JMJD1C: variants seen among roughly 807,000 people sequenced by gnomAD.
The protein encoded by JMJD1C is jumonji domain-containing protein 1C.
A neutral mutation model predicts 245.3 loss-of-function variants in JMJD1C; 31 were observed. That is an observed-to-expected ratio of 0.13 (90% CI 0.09 to 0.17). The LOEUF is 0.17. Ranked by LOEUF, JMJD1C falls within the 10% of genes least tolerant of loss-of-function variation. The pLI is 1.00. For missense variants in JMJD1C, 2,691 were observed against 3,000.2 expected (o/e 0.90, Z 2.41); for synonymous variants, 1,057 against 1,017.4 (o/e 1.04, Z -0.74).
chr10:63,382,691 C>G, intron 1 of JMJD1C: 1 of 437,926 alleles, frequency 2.3e-6, no homozygotes, highest in Admixed American at 2.5e-5. Flanking sequence ...ATAGGACATT[C>G]AATCATTCAA....
At chr10:63,385,416 CTTTTTTTTTTTTTTT>C (rs35450282) in intron 1 of JMJD1C, among the ~76,000 whole-genome samples, 1 of 53,760 alleles carries the variant, frequency 1.9e-5, no homozygotes, top group African/African-American at 7.5e-5. Flanking sequence ...CTGCCCCCGC[CTTTTTTTTTTTTTTT>C]TTTTTTTTTT....
chr10:63,489,164 C>A (rs1954089836), intron 1 of JMJD1C, among the ~76,000 whole-genome samples: 2 of 152,290 alleles, frequency 1.3e-5, no homozygotes, highest in African/African-American at 4.8e-5. Context: ...CTTTGGGAGG[C>A]TGAGGCAGGC....
chr10:63,197,605 T>C, intron 12 of JMJD1C, 42 bp from the exon 13 acceptor site: 5 of 1,468,058 alleles, frequency 3.4e-6, no homozygotes, highest in Non-Finnish European at 4.5e-6. Context: ...GCAAACATGC[T>C]CTTTTCCAAG....
intron 1 of JMJD1C, among the ~76,000 whole-genome samples, chr10:63,394,559 T>C (rs1286536655): frequency 6.6e-5 from 10 of 151,980 alleles, no homozygotes; most frequent in Admixed American, 6.6e-4. Flanking sequence ...AAACAAAAAA[T>C]GTGGGCTGGG....
At chr10:63,317,756 A>G (rs1381512569) in intron 2 of JMJD1C, among the ~76,000 whole-genome samples, 1 of 152,128 alleles carries the variant, frequency 6.6e-6, no homozygotes, top group African/African-American at 2.4e-5. Context: ...CTGAAATTCT[A>G]TTCAGTGTGC....
chr10:63,329,222 T>C (rs1163295125), intron 2 of JMJD1C, among the ~76,000 whole-genome samples: 3 of 150,150 alleles, frequency 2.0e-5, no homozygotes, highest in East Asian at 2.0e-4. Flanking sequence ...GTTGAAACTG[T>C]AGTAAGCCAT....
intron 1 of JMJD1C, among the ~76,000 whole-genome samples, chr10:63,504,521 A>G (rs1170423065): frequency 6.6e-6 from 1 of 152,224 alleles, no homozygotes; most frequent in Admixed American, 6.5e-5. Context: ...TTACAGAAAC[A>G]GAAGAAAGGC....
intron 10 of JMJD1C, chr10:63,204,708 C>T (rs764602339): frequency 2.6e-5 from 26 of 985,260 alleles, no homozygotes; most frequent in Admixed American, 6.2e-5. Context: ...ATGTTAATCC[C>T]CCTCTCTGTC....
intron 2 of JMJD1C, among the ~76,000 whole-genome samples, chr10:63,296,969 A>G (rs1859505792): frequency 6.6e-6 from 1 of 152,178 alleles, no homozygotes; most frequent in African/African-American, 2.4e-5. Context: ...CTGTTACTAT[A>G]TAATTATTCC....
intron 1 of JMJD1C, among the ~76,000 whole-genome samples, chr10:63,387,899 T>C (rs1290727298): frequency 6.6e-6 from 1 of 151,868 alleles, no homozygotes; most frequent in Non-Finnish European, 1.5e-5. Flanking sequence ...CCTCCCAAAG[T>C]GCTGGGATTA....
At chr10:63,414,208 G>T (rs879595220) in intron 1 of JMJD1C, among the ~76,000 whole-genome samples, 11 of 151,912 alleles carry the variant, frequency 7.2e-5, no homozygotes, top group African/African-American at 2.7e-4. Context: ...GGATGGTCTC[G>T]ATCTCCTGAC....
At chr10:63,356,535 T>C (rs1421491030) in intron 2 of JMJD1C, among the ~76,000 whole-genome samples, 2 of 152,200 alleles carry the variant, frequency 1.3e-5, no homozygotes, top group African/African-American at 4.8e-5. Context: ...TTACCAGATT[T>C]AGGAGATATT....
intron 1 of JMJD1C, among the ~76,000 whole-genome samples, chr10:63,501,276 T>C (rs1045396886): frequency 6.6e-6 from 1 of 152,356 alleles, no homozygotes; most frequent in Admixed American, 6.5e-5. Flanking sequence ...CACAGTCATG[T>C]AAATTTTACA....
chr10:63,333,166 T>C (rs1338125276), intron 2 of JMJD1C, among the ~76,000 whole-genome samples: 2 of 152,188 alleles, frequency 1.3e-5, no homozygotes, highest in African/African-American at 4.8e-5. Flanking sequence ...TGAAAAACTG[T>C]TGACCTTTAA....
chr10:63,456,044 T>C (rs1208299108), intron 1 of JMJD1C, among the ~76,000 whole-genome samples: 1 of 152,150 alleles, frequency 6.6e-6, no homozygotes, highest in Non-Finnish European at 1.5e-5. Context: ...TATGTGTATA[T>C]GTTTGTATAG....
Position 63,213,601 on chromosome 10 carries a change from G to A in JMJD1C, c.2566C>T (p.Gln856Ter). 1 of 1,614,124 alleles carries A rather than the reference G, an allele frequency of 6.2e-7. No homozygotes were observed. Among genetic ancestry groups the A allele is most frequent in the Non-Finnish European group, 8.5e-7 (1 of 1,179,934 alleles). The change falls in exon 8 of 26, where the codon CAG becomes TAG. Residue 856 changes from glutamine to a stop codon, truncating the protein, a stop_gained. Transcript: ENST00000399262. LOFTEE classifies it high-confidence loss of function. The part of the protein sequence containing the change: ...GQAHPSASYN[Q>*]LGLYPIIWQY... Reference sequence around the variant, plus strand: ...CAAATAATTGGATAAAGTCCAAGCTGATTATATGAAGCAGAAGGATGGGCT... The same window carrying A: ...CAAATAATTGGATAAAGTCCAAGCTAATTATATGAAGCAGAAGGATGGGCT...
intron 1 of JMJD1C, among the ~76,000 whole-genome samples, chr10:63,492,795 T>C (rs908738015): frequency 6.6e-6 from 1 of 152,212 alleles, no homozygotes; most frequent in Admixed American, 6.5e-5. Context: ...CTTTTTAATA[T>C]GCCAATCTCA....
At chr10:63,305,381 A>AG (rs1166665241) in intron 2 of JMJD1C, among the ~76,000 whole-genome samples, 1 of 97,656 alleles carries the variant, frequency 1.0e-5, no homozygotes, top group Non-Finnish European at 3.0e-5. Context: ...AAAAAACAAA[A>AG]AACAAAAAAG....
At chr10:63,176,695 C>CAG (rs1173969336) in intron 23 of JMJD1C, 1 of 432,330 alleles carries the variant, frequency 2.3e-6, no homozygotes, top group Non-Finnish European at 4.1e-6. Flanking sequence ...TAACAGTTTA[C>CAG]TACTTCCTTC....
Sources: gnomAD v4.1 joint callset for allele counts (sites outside exome capture counted in the v4.1 genomes callset) on GRCh38, gnomAD v4.1.1 for gene constraint, MANE v1.5 for transcripts, NCBI Gene and HGNC (gene_info 2026-07-23, HGNC 2026-07-21) for gene names.